NTM: variants seen among roughly 807,000 people sequenced by gnomAD.
NTM encodes the protein IgLON family member 2.
In NTM, 13 loss-of-function variants were observed where a neutral mutation model predicts 42.1. That is an observed-to-expected ratio of 0.31 (90% CI 0.20 to 0.49). The LOEUF is 0.49. Among genes scored for constraint, NTM ranks in the 20% least tolerant of loss-of-function variants. The pLI is 0.99. For missense variants in NTM, 373 were observed against 452.8 expected, an observed-to-expected ratio of 0.82 and a Z score of 1.60; for synonymous variants, 187 against 179.2, an observed-to-expected ratio of 1.04 and a Z score of -0.35.
At chr11:131,786,619 G>C (rs1197691857) in intron 1 of NTM, among the ~76,000 whole-genome samples, 2 of 152,162 alleles carry the variant, frequency 1.3e-5, no homozygotes, top group African/African-American at 2.4e-5. Context: ...GTGCCAGAGA[G>C]CTTGACATAT....
At chr11:131,522,590 A>G (rs960376157) in intron 1 of NTM, among the ~76,000 whole-genome samples, 1 of 152,210 alleles carries the variant, frequency 6.6e-6, no homozygotes, top group Admixed American at 6.5e-5. Context: ...AAAGTAAAAC[A>G]AGATTAAAGT....
At chr11:131,613,941 T>G (rs967514020) in intron 1 of NTM, among the ~76,000 whole-genome samples, 1 of 152,154 alleles carries the variant, frequency 6.6e-6, no homozygotes, top group Non-Finnish European at 1.5e-5. Flanking sequence ...CTGCCTCCCT[T>G]TGTCTGTGAA....
At chr11:131,864,173 C>G (rs2046913581) in intron 1 of NTM, among the ~76,000 whole-genome samples, 1 of 152,146 alleles carries the variant, frequency 6.6e-6, no homozygotes, top group South Asian at 2.1e-4. Context: ...GTTATATATC[C>G]TCTTGAAATG....
intron 2 of NTM, among the ~76,000 whole-genome samples, chr11:132,057,586 C>T (rs939535093): frequency 6.6e-6 from 1 of 152,236 alleles, no homozygotes; most frequent in African/African-American, 2.4e-5. Context: ...TGTGCTGCCC[C>T]TTCCTTTCCT....
Position 131,405,496 on chromosome 11 carries a change from C to A in NTM, c.82+34608C>A, listed in dbSNP as rs75363888. 9.1e-3 allele frequency among the ~76,000 whole-genome samples: 1,384 copies of A among 152,206 alleles called. 20 individuals carry two copies. The highest frequency in any genetic ancestry group is 0.03 in the African/African-American group (1,254 of 41,514). On this transcript the variant is annotated intron_variant, in intron 1 of 8. Coordinates refer to ENST00000683400, the MANE Select transcript of NTM (RefSeq NM_001352005.2). ...TCACCCTTAACATCAAATCCATTAG[C>A]ATTTCTTGTTAGTTCTACCTATAAA...
At chr11:131,796,256 G>A in intron 1 of NTM, 1 of 791,344 alleles carries the variant, frequency 1.3e-6, no homozygotes. Flanking sequence ...GTGCGGCCCA[G>A]CCCTCTCAGG....
intron 1 of NTM, among the ~76,000 whole-genome samples, chr11:131,690,140 A>G (rs2074469885): frequency 6.6e-6 from 1 of 152,168 alleles, no homozygotes; most frequent in Non-Finnish European, 1.5e-5. Context: ...TGGGTAGAGG[A>G]GCACACCAAG....
At chr11:132,128,806 C>T (rs900101614) in intron 2 of NTM, among the ~76,000 whole-genome samples, 12 of 151,476 alleles carry the variant, frequency 7.9e-5, no homozygotes, top group South Asian at 4.2e-4. Flanking sequence ...AGTGCGGTGG[C>T]GGGCACCTGT....
At chr11:131,790,329 G>A (rs1357413736) in intron 1 of NTM, among the ~76,000 whole-genome samples, 1 of 152,160 alleles carries the variant, frequency 6.6e-6, no homozygotes, top group Non-Finnish European at 1.5e-5. Context: ...GTGTTTTATT[G>A]CACCATCATA....
chr11:131,854,308 T>C (rs1254384773), intron 1 of NTM, among the ~76,000 whole-genome samples: 3 of 152,186 alleles, frequency 2.0e-5, no homozygotes, highest in Non-Finnish European at 4.4e-5. Context: ...ACCAGCTGAA[T>C]GAAAAGGTAC....
intron 1 of NTM, among the ~76,000 whole-genome samples, chr11:131,642,827 T>C (rs1225016979): frequency 6.6e-6 from 1 of 152,176 alleles, no homozygotes; most frequent in East Asian, 1.9e-4. Context: ...TATCCAATTA[T>C]CGTCCTGTCT....
intron 1 of NTM, among the ~76,000 whole-genome samples, chr11:131,665,650 A>AT (rs1220843856): frequency 1.3e-5 from 2 of 152,196 alleles, no homozygotes; most frequent in Non-Finnish European, 2.9e-5. Context: ...GAGGAAATAA[A>AT]TTTCTGTTGT....
At chr11:132,174,653 A>C (rs1358078500) in intron 3 of NTM, among the ~76,000 whole-genome samples, 8 of 151,896 alleles carry the variant, frequency 5.3e-5, no homozygotes, top group Non-Finnish European at 1.2e-4. Context: ...TGATTTTTGT[A>C]GCATTTTCTT....
chr11:131,544,700 C>T (rs1368712857), intron 1 of NTM, among the ~76,000 whole-genome samples: 1 of 152,072 alleles, frequency 6.6e-6, no homozygotes. Flanking sequence ...CAGATATGAA[C>T]CTAAAGTTGG....
At chr11:132,117,969 C>A (rs1336060229) in intron 2 of NTM, among the ~76,000 whole-genome samples, 1 of 152,218 alleles carries the variant, frequency 6.6e-6, no homozygotes, top group East Asian at 1.9e-4. Flanking sequence ...AGAACTTGGG[C>A]TGCCTTGGGA....
At chr11:132,204,862 G>T (rs186041257) in intron 3 of NTM, among the ~76,000 whole-genome samples, 2 of 152,282 alleles carry the variant, frequency 1.3e-5, no homozygotes, top group Non-Finnish European at 2.9e-5. Flanking sequence ...CCTAGGCTTC[G>T]CTTGGGTACA....
intron 2 of NTM, among the ~76,000 whole-genome samples, chr11:131,955,288 C>T (rs544382102): frequency 2.6e-5 from 4 of 152,188 alleles, no homozygotes; most frequent in East Asian, 3.9e-4. Flanking sequence ...TTTTAAACTG[C>T]GTTGCCTGGA....
At chr11:132,131,229 A>G (rs189493613) in intron 2 of NTM, among the ~76,000 whole-genome samples, 174 of 152,270 alleles carry the variant, frequency 1.1e-3, no homozygotes, top group Admixed American at 2.0e-3. Context: ...GTGAGTAACC[A>G]TGGAAAACAG....
chr11:131,435,600 T>C (rs570062081), intron 1 of NTM, among the ~76,000 whole-genome samples: 87 of 152,342 alleles, frequency 5.7e-4, no homozygotes, highest in African/African-American at 2.0e-3. Flanking sequence ...CTGTTATTGG[T>C]GCATAGGAAT....
Sources: allele counts gnomAD v4.1 joint callset (sites outside exome capture counted in the v4.1 genomes callset), GRCh38; gene constraint gnomAD v4.1.1; transcripts MANE v1.5; gene names NCBI Gene and HGNC (gene_info 2026-07-23, HGNC 2026-07-21).